Variants in SLC7A6 observed in about 807,000 individuals in gnomAD.
SLC7A6 encodes solute carrier family 7 member 6, also known as Y+L amino acid transporter 2.
SLC7A6 carries 29 observed loss-of-function variants against 46.6 expected under a neutral mutation model. That is an observed-to-expected ratio of 0.62 (90% CI 0.46 to 0.85). The LOEUF is 0.85. Ranked by LOEUF, SLC7A6 falls within the 40% of genes least tolerant of loss-of-function variation. The pLI, the probability that SLC7A6 is intolerant of heterozygous loss-of-function variation, is 0.00. For missense variants in SLC7A6, 527 were observed against 647.6 expected (o/e 0.81, Z 2.02); for synonymous variants, 276 against 257.3 (o/e 1.07, Z -0.70).
At chr16:68,285,256 C>T (rs1259005419) in intron 3 of SLC7A6, among the ~76,000 whole-genome samples, 2 of 152,276 alleles carry the variant, frequency 1.3e-5, no homozygotes, top group South Asian at 2.1e-4. Context: ...GTAACAGGCT[C>T]AACTTGGGTC....
chr16:68,291,860 A>G, intron 7 of SLC7A6, 199 bp downstream of exon 7: 1 of 559,766 alleles, frequency 1.8e-6, no homozygotes, highest in East Asian at 3.0e-5. Context: ...CTGGTAGCTC[A>G]TGTTTCCATC....
At chr16:68,268,539 CT>C (rs1041195175) in intron 2 of SLC7A6, among the ~76,000 whole-genome samples, 4 of 152,286 alleles carry the variant, frequency 2.6e-5, no homozygotes, top group South Asian at 4.1e-4. Flanking sequence ...TGTAATCGAG[CT>C]TTTCCCCCCT....
At chr16:68,285,847 T>C (rs928680304) in intron 3 of SLC7A6, among the ~76,000 whole-genome samples, 1 of 151,752 alleles carries the variant, frequency 6.6e-6, no homozygotes, top group Non-Finnish European at 1.5e-5. Context: ...GTAATCCTAA[T>C]ATGGGAGGCT....
At chr16:68,284,628 G>T in intron 3 of SLC7A6, 1 of 984,602 alleles carries the variant, frequency 1.0e-6, no homozygotes, top group Non-Finnish European at 1.2e-6. Flanking sequence ...GAAGGAGAAG[G>T]ATCAGAAGTG....
chr16:68,280,997 T>G (rs1250565509), intron 3 of SLC7A6, among the ~76,000 whole-genome samples: 1 of 152,244 alleles, frequency 6.6e-6, no homozygotes, highest in Non-Finnish European at 1.5e-5. Context: ...CCTCCCAAAG[T>G]GCTGGGATTA....
At chr16:68,287,694 C>G (rs1346578129) in intron 3 of SLC7A6, 52 bp from the exon 4 acceptor site, 3 of 1,594,056 alleles carry the variant, frequency 1.9e-6, no homozygotes, top group African/African-American at 2.7e-5. Context: ...AGGGGTTGGG[C>G]CCCTGTGCCC....
intron 3 of SLC7A6, among the ~76,000 whole-genome samples, chr16:68,277,316 T>TTTATTTA (rs2042730038): frequency 1.5e-5 from 2 of 135,886 alleles, no homozygotes; most frequent in African/African-American, 5.6e-5. Context: ...AGAAGAGTAC[T>TTTATTTA]TTTATTTATT....
intron 3 of SLC7A6, among the ~76,000 whole-genome samples, chr16:68,287,061 T>C (rs1325504993): frequency 6.7e-6 from 1 of 149,758 alleles, no homozygotes; most frequent in Non-Finnish European, 1.5e-5. Flanking sequence ...CACTGCTGCC[T>C]CAACCTCCTA....
Position 68,297,446 on chromosome 16 carries a change from T to C in SLC7A6, c.*118T>C. 4.2e-6 allele frequency: 3 copies of C among 721,226 alleles called. No homozygotes were observed. The highest frequency in any genetic ancestry group is 3.5e-5 in the South Asian group (2 of 57,050). 44.7% of individuals were successfully genotyped at this position (721,226 alleles called of 1,614,324 possible). A position where few individuals can be genotyped will look rare whatever the true frequency, so the allele number is the denominator to read the frequency against. ...GGAGCCTTTTGACCCAATCATATAG[T>C]GGGGCTCAGGGCCAGTGCTCACTCT... On this transcript the variant is annotated 3_prime_UTR_variant, in exon 11 of 11. Transcript: ENST00000219343.
intron 10 of SLC7A6, 144 bp downstream of exon 10, chr16:68,296,954 G>A: frequency 1.1e-6 from 1 of 878,652 alleles, no homozygotes; most frequent in South Asian, 1.8e-5. Flanking sequence ...TTTTGATTTT[G>A]ACATGATCAC....
At chr16:68,284,562 AT>A in intron 3 of SLC7A6, 4 of 693,310 alleles carry the variant, frequency 5.8e-6, no homozygotes, top group Non-Finnish European at 7.1e-6. Flanking sequence ...TGTGTGTAAT[AT>A]TTACCTGTGC....
chr16:68,294,120 C>T (rs539982155), intron 7 of SLC7A6, among the ~76,000 whole-genome samples: 38 of 152,224 alleles, frequency 2.5e-4, no homozygotes, highest in Admixed American at 5.9e-4. Flanking sequence ...TCTCAAACTC[C>T]CGACCTCAGG....
chr16:68,288,413 G>A (rs960042584), intron 4 of SLC7A6, among the ~76,000 whole-genome samples: 4 of 152,190 alleles, frequency 2.6e-5, no homozygotes, highest in African/African-American at 4.8e-5. Context: ...TTTCCTAAAT[G>A]TTGGCTTTAG....
At chr16:68,286,893 A>G (rs1279200508) in intron 3 of SLC7A6, among the ~76,000 whole-genome samples, 1 of 152,204 alleles carries the variant, frequency 6.6e-6, no homozygotes, top group Non-Finnish European at 1.5e-5. Flanking sequence ...TTCCTCATCC[A>G]TAAAATGGGA....
At position 68,301,346 on chromosome 16, in the gene SLC7A6, A is replaced by C. The variant is rs2043270813; in HGVS notation, c.*4018A>C. 6.2e-7 allele frequency: 1 copy of C among 1,614,154 alleles called. No homozygotes were observed. The highest frequency in any genetic ancestry group is 8.5e-7 in the Non-Finnish European group (1 of 1,180,028). On this transcript the variant is annotated 3_prime_UTR_variant, in exon 11 of 11. Transcript: ENST00000219343. ...TGCACATCCAGAGGGTACTTGCTCC[A>C]CATCCGCTGTCTGCTGCTGCCTCTT...
rs1355149961 is a variant in SLC7A6 at position 68,301,305 on chromosome 16, A to G, written c.*3977A>G. The G allele has an allele frequency of 6.2e-7, 1 of 1,614,040 alleles. No homozygotes were observed. The highest frequency in any genetic ancestry group is 1.3e-5 in the African/African-American group (1 of 74,942). ...CTGAATCCAGGTCGTGGGGGCTGTC[A>G]TAGCCGAACTCCTTCTGCACATCCA... On this transcript the variant is annotated 3_prime_UTR_variant, in exon 11 of 11. Coordinates refer to ENST00000219343, the MANE Select transcript of SLC7A6 (RefSeq NM_003983.6).
chr16:68,281,645 G>T (rs1418408635), intron 3 of SLC7A6, among the ~76,000 whole-genome samples: 3 of 152,150 alleles, frequency 2.0e-5, no homozygotes, highest in Non-Finnish European at 4.4e-5. Context: ...TGGTTCTTGA[G>T]GTAGGTACAT....
At chr16:68,294,185 TG>T (rs1390010324) in intron 7 of SLC7A6, among the ~76,000 whole-genome samples, 2 of 152,116 alleles carry the variant, frequency 1.3e-5, no homozygotes, top group African/African-American at 4.8e-5. Context: ...TGAGCCACCA[TG>T]CCTGGACGCT....
intron 3 of SLC7A6, chr16:68,287,532 T>C: frequency 2.8e-6 from 4 of 1,432,250 alleles, no homozygotes; most frequent in Non-Finnish European, 1.8e-6. Flanking sequence ...TGCCTTCATA[T>C]CCTTGAGCAC....
Sources: gnomAD v4.1 joint callset for allele counts (sites outside exome capture counted in the v4.1 genomes callset) on GRCh38, gnomAD v4.1.1 for gene constraint, MANE v1.5 for transcripts, NCBI Gene and HGNC (gene_info 2026-07-23, HGNC 2026-07-21) for gene names.